ADAMTSL1: variants seen among roughly 807,000 people sequenced by gnomAD.
The protein encoded by ADAMTSL1 is ADAMTS-like protein 1.
In ADAMTSL1, 126 loss-of-function variants were observed where a neutral mutation model predicts 201.8. That is an observed-to-expected ratio of 0.62 (90% CI 0.54 to 0.72). ADAMTSL1 has a LOEUF of 0.72. Among genes scored for constraint, ADAMTSL1 ranks in the 30% least tolerant of loss-of-function variants. The pLI, the probability that ADAMTSL1 is intolerant of heterozygous loss-of-function variation, is 0.00. For synonymous variants in ADAMTSL1, 1,121 were observed against 903.4 expected (o/e 1.24, Z -4.32); for missense variants, 2,679 against 2,277.8 (o/e 1.18, Z -3.59).
At chr9:18,018,275 A>AT (rs1437967524) in intron 1 of ADAMTSL1, among the ~76,000 whole-genome samples, 23 of 152,052 alleles carry the variant, frequency 1.5e-4, no homozygotes, top group African/African-American at 5.6e-4. Flanking sequence ...TGTTTTAAGC[A>AT]TTTTTTATGT....
At chr9:18,720,278 T>C (rs1189283228) in intron 14 of ADAMTSL1, among the ~76,000 whole-genome samples, 2 of 152,200 alleles carry the variant, frequency 1.3e-5, no homozygotes, top group Non-Finnish European at 2.9e-5. Context: ...CTTAAGCAGG[T>C]CTTTTCACCC....
chr9:18,010,820 A>G (rs75786875), intron 1 of ADAMTSL1, among the ~76,000 whole-genome samples: 7,755 of 152,114 alleles, frequency 0.051, 242 homozygotes, highest in South Asian at 0.11. Context: ...TTCTAATTTT[A>G]TATATCAAAA....
intron 2 of ADAMTSL1, among the ~76,000 whole-genome samples, chr9:18,529,573 C>T (rs754856682): frequency 9.9e-5 from 15 of 152,068 alleles, no homozygotes; most frequent in Non-Finnish European, 1.8e-4. Context: ...AGATAGTATA[C>T]GCAGAATACC....
intron 1 of ADAMTSL1, among the ~76,000 whole-genome samples, chr9:18,113,717 A>G (rs1825127958): frequency 6.6e-6 from 1 of 152,116 alleles, no homozygotes; most frequent in African/African-American, 2.4e-5. Flanking sequence ...TGCTTACTAT[A>G]TGACAGTCAC....
chr9:18,510,616 A>G (rs1012942642), intron 2 of ADAMTSL1, among the ~76,000 whole-genome samples: 1 of 152,128 alleles, frequency 6.6e-6, no homozygotes, highest in African/African-American at 2.4e-5. Flanking sequence ...GGTTTGAACA[A>G]CAAAGAAAGA....
At chr9:18,303,369 A>C (rs1833778511) in intron 2 of ADAMTSL1, among the ~76,000 whole-genome samples, 1 of 152,228 alleles carries the variant, frequency 6.6e-6, no homozygotes, top group Admixed American at 6.5e-5. Context: ...CCTCAGCCAG[A>C]GAATGAGATA....
At chr9:17,987,717 G>GT (rs572268883) in intron 1 of ADAMTSL1, among the ~76,000 whole-genome samples, 87 of 152,050 alleles carry the variant, frequency 5.7e-4, no homozygotes, top group African/African-American at 1.8e-3. Context: ...CAAATGCCTT[G>GT]TTTTTTTGCT....
intron 4 of ADAMTSL1, among the ~76,000 whole-genome samples, chr9:18,599,746 A>G (rs1019479563): frequency 1.3e-5 from 2 of 151,772 alleles, no homozygotes; most frequent in Admixed American, 1.3e-4. Context: ...TTCTGTAAAA[A>G]TTTGAATTAG....
At chr9:18,356,123 C>T (rs143257635) in intron 2 of ADAMTSL1, among the ~76,000 whole-genome samples, 58 of 152,296 alleles carry the variant, frequency 3.8e-4, no homozygotes, top group African/African-American at 1.4e-3. Flanking sequence ...ATTAAAACAG[C>T]TTTCAGTGGA....
intron 2 of ADAMTSL1, among the ~76,000 whole-genome samples, chr9:18,450,329 G>A (rs558700605): frequency 6.6e-6 from 1 of 152,104 alleles, no homozygotes; most frequent in South Asian, 2.1e-4. Flanking sequence ...TGCCCAAAAT[G>A]GGTAGATTTT....
chr9:18,374,249 T>G (rs376407651), intron 2 of ADAMTSL1, among the ~76,000 whole-genome samples: 1 of 152,228 alleles, frequency 6.6e-6, no homozygotes, highest in Non-Finnish European at 1.5e-5. Flanking sequence ...AAAGGTGCAG[T>G]TCTGAAAGAG....
intron 2 of ADAMTSL1, among the ~76,000 whole-genome samples, chr9:18,452,640 A>G (rs577531736): frequency 3.3e-5 from 5 of 152,364 alleles, no homozygotes; most frequent in East Asian, 1.9e-4. Flanking sequence ...GTGGACAGGC[A>G]TAAGATAGAC....
At position 18,906,767 on chromosome 9, in the gene ADAMTSL1, A is replaced by T; in HGVS notation, c.5037A>T (p.Thr1679=). The change falls in exon 28 of 29, where the codon ACA becomes ACT. Residue 1679 remains threonine (T), a synonymous_variant. Coordinates refer to ENST00000380548, the MANE Select transcript of ADAMTSL1 (RefSeq NM_001040272.6). ...GAGTCAGCCTGTGGACCCTGTGCAC[A>T]GCTACCTGTGGCAACTACGGCTTCC... is the stretch of plus-strand genomic sequence containing the variant. The part of the protein sequence containing the change: ...HWRVSLWTLC[T]ATCGNYGFQS... 6.2e-7 allele frequency: 1 copy of T among 1,613,952 alleles called. No individual in the cohort carries two copies. Among genetic ancestry groups the T allele is most frequent in the Non-Finnish European group, 8.5e-7 (1 of 1,179,860 alleles).
At chr9:18,734,206 A>T (rs184830679) in intron 15 of ADAMTSL1, among the ~76,000 whole-genome samples, 1 of 152,196 alleles carries the variant, frequency 6.6e-6, no homozygotes, top group Non-Finnish European at 1.5e-5. Flanking sequence ...TAAGTACTCT[A>T]TGAATGGTAA....
intron 10 of ADAMTSL1, among the ~76,000 whole-genome samples, chr9:18,679,054 T>C (rs1344130402): frequency 1.3e-5 from 2 of 152,166 alleles, no homozygotes; most frequent in African/African-American, 2.4e-5. Context: ...ATAACAGTTG[T>C]TGCCTAAACT....
chr9:18,026,122 A>G (rs1820684492), intron 1 of ADAMTSL1, among the ~76,000 whole-genome samples: 1 of 151,860 alleles, frequency 6.6e-6, no homozygotes, highest in African/African-American at 2.4e-5. Context: ...GAGTCTTTAG[A>G]GTTTTCTAGG....
In ADAMTSL1 at chr9:18,777,019, C is replaced by G; in HGVS notation, c.2790C>G (p.Gly930=). 1.2e-6 allele frequency: 2 copies of G among 1,607,080 alleles called. No individual in the cohort carries two copies. Among genetic ancestry groups the G allele is most frequent in the African/African-American group, 1.3e-5 (1 of 74,858 alleles). ...SSTHVTVAPF[G]YLKIHRLKPS... Reference sequence around the variant, plus strand: ...CGCACGTCACGGTGGCCCCCTTCGGCTATCTCAAGATCCACCGCCTCAAGC... The same window carrying G: ...CGCACGTCACGGTGGCCCCCTTCGGGTATCTCAAGATCCACCGCCTCAAGC... The change falls in exon 19 of 29, where the codon GGC becomes GGG. Residue 930 remains glycine, a synonymous_variant. Coordinates refer to ENST00000380548, the MANE Select transcript of ADAMTSL1 (RefSeq NM_001040272.6).
rs202085722 is a variant in ADAMTSL1, at chr9:17,983,064, C to CTTTTTTTTTTTTTTTTTTTTTTTTTT, written c.87+76145_87+76146insTTTTTTTTTTTTTTTTTTTTTTTTTT. Among the ~76,000 whole-genome samples the CTTTTTTTTTTTTTTTTTTTTTTTTTT allele has an allele frequency of 9.0e-5, 8 of 88,588 alleles. 1 individual carries two copies. The highest frequency in any genetic ancestry group is 1.6e-4 in the Admixed American group (1 of 6,286). The allele number at this position is 88,588 out of a possible 152,430, so 58.1% of individuals were successfully genotyped here. A position where few individuals can be genotyped will look rare whatever the true frequency, so the allele number is the denominator to read the frequency against. ...TTTTCATTTTCTTTTTCTTTTCTTTCTTTCTTTCTTTCTTTTTTTTTTTTG... is the reference window on the plus strand; with the variant it reads ...TTTTCATTTTCTTTTTCTTTTCTTTCTTTTTTTTTTTTTTTTTTTTTTTTTTTTTCTTTCTTTCTTTTTTTTTTTTG... On this transcript the variant is annotated intron_variant, in intron 1 of 29. Transcript: ENST00000680146.
chr9:18,641,892 T>C (rs1453819526), intron 7 of ADAMTSL1, among the ~76,000 whole-genome samples: 3 of 151,932 alleles, frequency 2.0e-5, no homozygotes, highest in African/African-American at 7.2e-5. Context: ...TTTTGCATTA[T>C]ATATATAATA....
Sources: allele counts gnomAD v4.1 joint callset (sites outside exome capture counted in the v4.1 genomes callset), GRCh38; gene constraint gnomAD v4.1.1; transcripts MANE v1.5; gene names NCBI Gene and HGNC (gene_info 2026-07-23, HGNC 2026-07-21).